The following ATP6V1A variants were observed in gnomAD, a reference collection of about 807,000 sequenced individuals.
The protein encoded by ATP6V1A is V-type proton ATPase catalytic subunit A.
ATP6V1A carries 18 observed loss-of-function variants against 70.1 expected under a neutral mutation model. The ratio of observed to expected loss-of-function variants is 0.26; its 90% CI spans 0.18 to 0.38. ATP6V1A has a LOEUF of 0.38. Among genes scored for constraint, ATP6V1A ranks in the 10% least tolerant of loss-of-function variants. The pLI, the probability that ATP6V1A is intolerant of heterozygous loss-of-function variation, is 1.00. For missense variants in ATP6V1A, 424 were observed against 772.4 expected, an observed-to-expected ratio of 0.55 and a Z score of 5.35; for synonymous variants, 232 against 253.8, an observed-to-expected ratio of 0.91 and a Z score of 0.82.
At chr3:113,776,741 A>T (rs1232285222) in intron 1 of ATP6V1A, among the ~76,000 whole-genome samples, 1 of 152,178 alleles carries the variant, frequency 6.6e-6, no homozygotes, top group African/African-American at 2.4e-5. Context: ...TTATTTTGGC[A>T]GTCAGTTCAA....
At chr3:113,791,908 G>T (rs2108035887) in intron 8 of ATP6V1A, among the ~76,000 whole-genome samples, 1 of 147,948 alleles carries the variant, frequency 6.8e-6, no homozygotes, top group East Asian at 2.0e-4. Context: ...ACTTGAAGAT[G>T]TGCCTTCAAG....
At chr3:113,776,278 G>A (rs1482455532) in intron 1 of ATP6V1A, among the ~76,000 whole-genome samples, 1 of 152,266 alleles carries the variant, frequency 6.6e-6, no homozygotes, top group East Asian at 1.9e-4. Flanking sequence ...GGGCGGCTGA[G>A]GTGATCACTT....
intron 14 of ATP6V1A, among the ~76,000 whole-genome samples, chr3:113,806,615 C>T (rs548860355): frequency 4.6e-5 from 7 of 152,104 alleles, no homozygotes; most frequent in South Asian, 2.1e-4. Flanking sequence ...CCTGCCACCA[C>T]GCCCAGCTAA....
At chr3:113,786,841 A>G (rs1165226310) in intron 6 of ATP6V1A, among the ~76,000 whole-genome samples, 1 of 151,030 alleles carries the variant, frequency 6.6e-6, no homozygotes, top group Non-Finnish European at 1.5e-5. Context: ...CAGTGGCATG[A>G]TCTCAGCTCA....
At chr3:113,805,228 A>G (rs929193227) in intron 13 of ATP6V1A, 126 bp from the exon 14 acceptor site, 2 of 928,050 alleles carry the variant, frequency 2.2e-6, no homozygotes, top group Non-Finnish European at 3.2e-6. Context: ...TTCCTTAGGT[A>G]TCATCTAATA....
At chr3:113,789,334 C>T (rs1381803145) in intron 7 of ATP6V1A, among the ~76,000 whole-genome samples, 1 of 152,172 alleles carries the variant, frequency 6.6e-6, no homozygotes, top group East Asian at 1.9e-4. Flanking sequence ...AGGCATGAGC[C>T]ACCGTGCCTG....
intron 1 of ATP6V1A, among the ~76,000 whole-genome samples, chr3:113,756,047 A>G (rs1708643953): frequency 6.6e-6 from 1 of 152,200 alleles, no homozygotes; most frequent in Non-Finnish European, 1.5e-5. Context: ...TAGTTTTATT[A>G]ACTCATGGAA....
chr3:113,779,122 G>C, intron 2 of ATP6V1A: 1 of 217,962 alleles, frequency 4.6e-6, no homozygotes, highest in East Asian at 9.8e-5. Flanking sequence ...TTAATTTTTT[G>C]TTAAATTTGA....
intron 13 of ATP6V1A, 67 bp downstream of exon 13, chr3:113,803,744 A>C: frequency 7.9e-7 from 1 of 1,258,638 alleles, no homozygotes; most frequent in Non-Finnish European, 1.1e-6. Context: ...AGGAGTACAC[A>C]TTAAAAACCC....
intron 1 of ATP6V1A, among the ~76,000 whole-genome samples, chr3:113,760,601 G>T (rs1187994097): frequency 6.7e-6 from 1 of 149,326 alleles, no homozygotes; most frequent in Non-Finnish European, 1.5e-5. Context: ...GGTGGCGGGT[G>T]CCTGTAGTCC....
At chr3:113,807,700 A>G (rs1418381104) in intron 14 of ATP6V1A, among the ~76,000 whole-genome samples, 3 of 152,218 alleles carry the variant, frequency 2.0e-5, no homozygotes, top group African/African-American at 4.8e-5. Context: ...GAAGAAATAT[A>G]CCTGTAGTAA....
intron 1 of ATP6V1A, among the ~76,000 whole-genome samples, chr3:113,753,165 A>G (rs1487124755): frequency 6.6e-6 from 1 of 152,238 alleles, no homozygotes; most frequent in Non-Finnish European, 1.5e-5. Context: ...ACATGTCACC[A>G]GAAGTTCACA....
At chr3:113,753,318 T>G (rs564780998) in intron 1 of ATP6V1A, among the ~76,000 whole-genome samples, 1 of 152,324 alleles carries the variant, frequency 6.6e-6, no homozygotes, top group Non-Finnish European at 1.5e-5. Context: ...TGGAGAAGGA[T>G]TATCTCATAA....
chr3:113,754,642 A>G (rs1431403668), intron 1 of ATP6V1A, among the ~76,000 whole-genome samples: 1 of 152,204 alleles, frequency 6.6e-6, no homozygotes, highest in Admixed American at 6.5e-5. Flanking sequence ...AGTCAGTGCT[A>G]TCGACACGCT....
At chr3:113,749,150 C>T (rs1326024158) in intron 1 of ATP6V1A, among the ~76,000 whole-genome samples, 1 of 152,096 alleles carries the variant, frequency 6.6e-6, no homozygotes, top group Non-Finnish European at 1.5e-5. Context: ...TTTTAGGGAA[C>T]TCGTGAAAGC....
chr3:113,784,090 A>C (rs1337266413), intron 3 of ATP6V1A, 134 bp from the exon 4 acceptor site: 2 of 756,918 alleles, frequency 2.6e-6, no homozygotes, highest in South Asian at 1.8e-5. Context: ...AACACTATGA[A>C]TCCTGTGAAC....
intron 8 of ATP6V1A, among the ~76,000 whole-genome samples, chr3:113,793,721 T>C (rs1463620750): frequency 2.6e-5 from 4 of 152,176 alleles, no homozygotes; most frequent in Non-Finnish European, 4.4e-5. Context: ...TATGGATGCC[T>C]GAACAGTCAG....
chr3:113,784,356 G>A lies in ATP6V1A; in HGVS notation c.344G>A (p.Ser115Asn). The part of the protein sequence containing the change: ...PLSDISSQTQ[S>N]IYIPRGVNVS... ...TCGGATATCAGCAGTCAGACCCAAA[G>A]CATCTACATCCCCAGAGGAGTAAAC... The change falls in exon 4 of 15, where the codon AGC (serine) becomes AAC (asparagine). Residue 115 changes from serine to asparagine, a missense_variant. Around this residue, in one of 9 missense-constraint regions of ATP6V1A, gnomAD observed 139 missense variants for 163.5 expected, o/e 0.85. Coordinates refer to ENST00000273398, the MANE Select transcript of ATP6V1A (RefSeq NM_001690.4). The A allele has an allele frequency of 1.2e-6, 2 of 1,614,142 alleles. No homozygotes were observed. The highest frequency in any genetic ancestry group is 2.2e-5 in the East Asian group (1 of 44,880).
intron 1 of ATP6V1A, among the ~76,000 whole-genome samples, chr3:113,752,815 T>C (rs990199565): frequency 2.0e-5 from 3 of 152,132 alleles, no homozygotes; most frequent in African/African-American, 7.2e-5. Context: ...AAAATATAAT[T>C]GATCCAATAC....
Sources: allele counts gnomAD v4.1 joint callset (sites outside exome capture counted in the v4.1 genomes callset), GRCh38; gene constraint gnomAD v4.1.1; regional missense constraint gnomAD v4.1.1; transcripts MANE v1.5; gene names NCBI Gene and HGNC (gene_info 2026-07-23, HGNC 2026-07-21).